Variants in SNAPC3 observed in about 807,000 individuals in gnomAD.
SNAPC3 encodes the protein snRNA-activating protein complex subunit 3.
SNAPC3 carries 56 observed loss-of-function variants against 47.7 expected under a neutral mutation model. The observed-to-expected ratio is 1.18, with a 90% CI of 0.95 to 1.47. The LOEUF (loss-of-function observed/expected upper bound fraction) is 1.47, where lower values mean the gene tolerates loss of function less well. Among genes scored for constraint, SNAPC3 ranks in the 40% most tolerant of loss-of-function variants. SNAPC3 has a pLI of 0.00. For missense variants in SNAPC3, 665 were observed against 511.3 expected (o/e 1.30, Z -2.90); for synonymous variants, 235 against 189.9 (o/e 1.24, Z -1.95).
chr9:15,423,987 G>C lies in SNAPC3; in HGVS notation c.392+1G>C. The C allele has an allele frequency of 6.5e-7, 1 of 1,543,296 alleles. No homozygotes were observed. ...AGAATACTGACCTGGTGACTTTGGG[G>C]TATGGAGGACTTGGTTTTTATGACC... On this transcript the variant is annotated splice_donor_variant, in intron 2 of 8. Transcript: ENST00000380821. LOFTEE classifies it high-confidence loss of function.
intron 2 of SNAPC3, among the ~76,000 whole-genome samples, chr9:15,431,497 T>G (rs1385997075): frequency 6.6e-6 from 1 of 152,164 alleles, no homozygotes; most frequent in African/African-American, 2.4e-5. Context: ...TCTTCCTAAT[T>G]GAACTCAGAT....
At chr9:15,423,245 C>T (rs574973856) in intron 1 of SNAPC3, 52 bp downstream of exon 1, 3 of 1,488,228 alleles carry the variant, frequency 2.0e-6, no homozygotes, top group African/African-American at 2.9e-5. Flanking sequence ...CAGGGTGCAG[C>T]CTTGCTCGTG....
intron 5 of SNAPC3, among the ~76,000 whole-genome samples, chr9:15,448,196 C>T (rs1158077859): frequency 2.6e-5 from 4 of 152,086 alleles, no homozygotes; most frequent in Non-Finnish European, 5.9e-5. Context: ...GGTCCTGTTC[C>T]ACCAGCCACA....
At chr9:15,435,932 C>T (rs1453993879) in intron 3 of SNAPC3, among the ~76,000 whole-genome samples, 1 of 149,506 alleles carries the variant, frequency 6.7e-6, no homozygotes, top group Non-Finnish European at 1.5e-5. Flanking sequence ...CAACCTCCAT[C>T]TCCCAGGTTC....
At chr9:15,442,847 C>T (rs149239128) in intron 3 of SNAPC3, among the ~76,000 whole-genome samples, 6,414 of 152,228 alleles carry the variant, frequency 0.042, 451 homozygotes, top group African/African-American at 0.15. Flanking sequence ...TGTAGCAAGC[C>T]GAGATCACGC....
intron 4 of SNAPC3, 98 bp downstream of exon 4, chr9:15,444,804 TA>T (rs1388903071): frequency 3.0e-6 from 2 of 660,114 alleles, no homozygotes; most frequent in Admixed American, 5.7e-5. Flanking sequence ...ACATTAAAAA[TA>T]AACACTCTGG....
chr9:15,451,808 C>G (rs2034406910), intron 6 of SNAPC3, among the ~76,000 whole-genome samples: 1 of 151,964 alleles, frequency 6.6e-6, no homozygotes, highest in African/African-American at 2.4e-5. Flanking sequence ...TCTGCCTATC[C>G]AGCATATACT....
intron 7 of SNAPC3, among the ~76,000 whole-genome samples, chr9:15,457,616 A>G (rs1587412560): frequency 6.6e-6 from 1 of 152,260 alleles, no homozygotes; most frequent in African/African-American, 2.4e-5. Flanking sequence ...AATAAAAGGT[A>G]CTAGTGTTAA....
chr9:15,446,170 A>G (rs1255428866), intron 4 of SNAPC3, among the ~76,000 whole-genome samples: 1 of 152,222 alleles, frequency 6.6e-6, no homozygotes, highest in Non-Finnish European at 1.5e-5. Context: ...AGTTTAAACC[A>G]GAAAATTTCC....
intron 8 of SNAPC3, among the ~76,000 whole-genome samples, chr9:15,458,372 T>C (rs144798096): frequency 3.7e-4 from 56 of 152,280 alleles, no homozygotes; most frequent in African/African-American, 1.3e-3. Flanking sequence ...TCTGATAGAA[T>C]ACATTCAAGA....
intron 5 of SNAPC3, among the ~76,000 whole-genome samples, chr9:15,450,934 A>T (rs2034339305): frequency 6.6e-6 from 1 of 152,204 alleles, no homozygotes; most frequent in South Asian, 2.1e-4. Context: ...ATAAAGAGAG[A>T]ATTTTTGTAA....
chr9:15,459,401 C>T (rs1247087328), intron 8 of SNAPC3, among the ~76,000 whole-genome samples: 1 of 152,130 alleles, frequency 6.6e-6, no homozygotes, highest in Non-Finnish European at 1.5e-5. Context: ...TGACTATATT[C>T]GTACTTGGAG....
rs139994821 is a variant in SNAPC3 at position 15,446,363 on chromosome 9, C to T, written c.583-732C>T. 8.5e-5 allele frequency among the ~76,000 whole-genome samples: 13 copies of T among 152,264 alleles called. No individual in the cohort carries two copies. In the East Asian group the frequency reaches 2.1e-3, roughly 25 times the overall value. The stretch of plus-strand genomic sequence containing the variant: ...CTAGGACTACAAGCATGTATCACAA[C>T]GCCCAGCTAACCTTTAAATTTTTTG... On this transcript the variant is annotated intron_variant, in intron 4 of 8. Coordinates refer to ENST00000380821, the MANE Select transcript of SNAPC3 (RefSeq NM_001039697.2).
intron 5 of SNAPC3, among the ~76,000 whole-genome samples, chr9:15,449,622 G>A (rs1342780978): frequency 2.4e-5 from 3 of 127,236 alleles, no homozygotes; most frequent in African/African-American, 6.0e-5. Flanking sequence ...CCAGGCTGGA[G>A]TGCAATGGCA....
chr9:15,426,922 C>CA lies in SNAPC3; in HGVS notation c.392+2945dup, dbSNP rs1202796655. ...CCATTGTTAACCTTAATGGTCCTGC[C>CA]AAAAAAAAATTAGACTTGTGGCAAA... On this transcript the variant is annotated intron_variant, in intron 2 of 8. Coordinates refer to ENST00000380821, the MANE Select transcript of SNAPC3 (RefSeq NM_001039697.2). 3.3e-5 allele frequency among the ~76,000 whole-genome samples: 5 copies of CA among 150,576 alleles called. No individual in the cohort carries two copies. In the East Asian group the frequency reaches 5.8e-4, roughly 18 times the overall value.
chr9:15,465,623 T>C (rs758607312), downstream of SNAPC3: 4 of 1,469,298 alleles, frequency 2.7e-6, no homozygotes, highest in Non-Finnish European at 3.7e-6. Flanking sequence ...TAGGATTTTC[T>C]CCTGATGAAG....
intron 2 of SNAPC3, among the ~76,000 whole-genome samples, chr9:15,429,986 C>T (rs1670571496): frequency 6.6e-6 from 1 of 152,160 alleles, no homozygotes; most frequent in South Asian, 2.1e-4. Context: ...CAAAGTATTA[C>T]ATGTGATAAA....
intron 3 of SNAPC3, among the ~76,000 whole-genome samples, chr9:15,439,259 C>G (rs1420622647): frequency 6.6e-6 from 1 of 152,192 alleles, no homozygotes; most frequent in Non-Finnish European, 1.5e-5. Context: ...AATCTGCCCA[C>G]CTTGGTCTCC....
chr9:15,448,966 G>A (rs1272615899), intron 5 of SNAPC3, among the ~76,000 whole-genome samples: 2 of 151,764 alleles, frequency 1.3e-5, no homozygotes, highest in South Asian at 2.1e-4. Flanking sequence ...GCCCCACTGC[G>A]CCCAGTTAAT....
Sources: allele counts gnomAD v4.1 joint callset (sites outside exome capture counted in the v4.1 genomes callset), GRCh38; gene constraint gnomAD v4.1.1; transcripts MANE v1.5; gene names NCBI Gene and HGNC (gene_info 2026-07-23, HGNC 2026-07-21).